BTBD10: variants seen among roughly 807,000 people sequenced by gnomAD.
The protein encoded by BTBD10 is BTB/POZ domain-containing protein 10.
Under a neutral mutation model 53.2 loss-of-function variants are expected in BTBD10, and 21 were observed. That is an observed-to-expected ratio of 0.39 (90% confidence interval 0.28 to 0.57). The LOEUF (loss-of-function observed/expected upper bound fraction) is 0.57. BTBD10 is among the 20% of genes least tolerant of loss of function. BTBD10 has a pLI of 0.53. For missense variants in BTBD10, 360 were observed against 594.7 expected, an observed-to-expected ratio of 0.61 and a Z score of 4.10; for synonymous variants, 149 against 192.7, an observed-to-expected ratio of 0.77 and a Z score of 1.88.
At chr11:13,396,247 T>A (rs1205079089) in intron 8 of BTBD10, among the ~76,000 whole-genome samples, 1 of 152,156 alleles carries the variant, frequency 6.6e-6, no homozygotes, top group Non-Finnish European at 1.5e-5. Context: ...CTTGAAGAGG[T>A]CCTTCACATC....
chr11:13,439,970 CAATG>C, intron 2 of BTBD10: 2 of 1,534,822 alleles, frequency 1.3e-6, no homozygotes, highest in Non-Finnish European at 1.7e-6. Flanking sequence ...CTCTTTCAAA[CAATG>C]AAGCACTGAA....
chr11:13,445,783 A>T (rs1250083631), intron 1 of BTBD10, among the ~76,000 whole-genome samples: 2 of 151,148 alleles, frequency 1.3e-5, no homozygotes, highest in Non-Finnish European at 2.9e-5. Context: ...GCCTTTTCAC[A>T]TGTGAGGCTT....
intron 5 of BTBD10, among the ~76,000 whole-genome samples, chr11:13,415,095 T>C (rs1565242709): frequency 6.7e-6 from 1 of 150,212 alleles, no homozygotes; most frequent in African/African-American, 2.4e-5. Flanking sequence ...GGTCACAAAC[T>C]ATCAATCAAA....
intron 8 of BTBD10, among the ~76,000 whole-genome samples, chr11:13,393,351 C>T (rs540116743): frequency 9.8e-4 from 150 of 152,292 alleles, no homozygotes; most frequent in Middle Eastern, 6.8e-3. Flanking sequence ...CCCAATCTAG[C>T]TCCCATAAAA....
chr11:13,391,162 G>A (rs577349408), intron 8 of BTBD10, among the ~76,000 whole-genome samples: 5 of 152,220 alleles, frequency 3.3e-5, no homozygotes, highest in African/African-American at 1.2e-4. Context: ...TATTATACAA[G>A]GCTTTTTTTA....
intron 8 of BTBD10, among the ~76,000 whole-genome samples, chr11:13,397,191 A>C (rs1009867864): frequency 1.3e-5 from 2 of 152,050 alleles, no homozygotes; most frequent in Non-Finnish European, 2.9e-5. Context: ...TTAGTTGGTA[A>C]GCTATTAATT....
At chr11:13,391,954 A>C (rs536166083) in intron 8 of BTBD10, among the ~76,000 whole-genome samples, 1 of 152,180 alleles carries the variant, frequency 6.6e-6, no homozygotes, top group African/African-American at 2.4e-5. Context: ...TAGATGGATA[A>C]ATAGATAGAC....
chr11:13,459,201 C>G (rs991159621), intron 1 of BTBD10, among the ~76,000 whole-genome samples: 2 of 150,324 alleles, frequency 1.3e-5, no homozygotes, highest in Admixed American at 6.6e-5. Context: ...GGACTACAGG[C>G]GCCCGCCACT....
At chr11:13,410,890 G>A (rs893689249) in intron 6 of BTBD10, among the ~76,000 whole-genome samples, 3 of 152,154 alleles carry the variant, frequency 2.0e-5, no homozygotes, top group Non-Finnish European at 2.9e-5. Context: ...GTGAATAAAT[G>A]GGAAGACACA....
intron 3 of BTBD10, among the ~76,000 whole-genome samples, chr11:13,420,317 A>AT (rs150881151): frequency 0.26 from 39,922 of 150,732 alleles, 5,493 homozygotes; most frequent in Admixed American, 0.35. Context: ...AGTAAGAAGT[A>AT]TTTTTTTTTA....
At chr11:13,424,654 G>A (rs1591135345) in intron 2 of BTBD10, among the ~76,000 whole-genome samples, 1 of 152,108 alleles carries the variant, frequency 6.6e-6, no homozygotes, top group Non-Finnish European at 1.5e-5. Context: ...GATAGGTAAG[G>A]ACATGAAGAC....
intron 2 of BTBD10, among the ~76,000 whole-genome samples, chr11:13,440,720 A>G (rs1046177867): frequency 1.6e-4 from 24 of 152,182 alleles, no homozygotes; most frequent in African/African-American, 5.8e-4. Flanking sequence ...ACCTTGCGGC[A>G]TAGTCTATAC....
chr11:13,421,549 G>A, intron 3 of BTBD10, 93 bp downstream of exon 3: 3 of 1,090,050 alleles, frequency 2.8e-6, no homozygotes, highest in Non-Finnish European at 3.9e-6. Flanking sequence ...ATTTTACTCT[G>A]CAGTATTAGG....
At chr11:13,407,851 C>G (rs1025672364) in intron 6 of BTBD10, among the ~76,000 whole-genome samples, 4 of 152,274 alleles carry the variant, frequency 2.6e-5, no homozygotes, top group Middle Eastern at 3.4e-3. Flanking sequence ...TTCTGGAATG[C>G]TTTTTCTTCA....
chr11:13,408,244 T>C (rs1949870306), intron 6 of BTBD10, among the ~76,000 whole-genome samples: 2 of 152,178 alleles, frequency 1.3e-5, no homozygotes, highest in Non-Finnish European at 2.9e-5. Flanking sequence ...CATCATTAAC[T>C]CTCACCCAAA....
chr11:13,419,937 C>T (rs530060407), intron 3 of BTBD10, among the ~76,000 whole-genome samples, 192 bp from the exon 4 acceptor site: 2 of 152,096 alleles, frequency 1.3e-5, no homozygotes, highest in South Asian at 4.1e-4. Context: ...CCCAAAACAT[C>T]AAAATGCTTT....
chr11:13,395,894 C>T (rs1381437791), intron 8 of BTBD10, among the ~76,000 whole-genome samples: 1 of 152,102 alleles, frequency 6.6e-6, no homozygotes, highest in Non-Finnish European at 1.5e-5. Flanking sequence ...TTCCATTGGT[C>T]TGTATCTCTG....
intron 8 of BTBD10, among the ~76,000 whole-genome samples, chr11:13,396,720 T>C (rs150077808): frequency 0.041 from 6,255 of 152,270 alleles, 443 homozygotes; most frequent in African/African-American, 0.14. Flanking sequence ...GTTCCATCAA[T>C]ATCTAATTTA....
At chr11:13,406,414 C>T (rs140854366) in intron 6 of BTBD10, among the ~76,000 whole-genome samples, 3 of 152,132 alleles carry the variant, frequency 2.0e-5, no homozygotes, top group East Asian at 1.9e-4. Context: ...GCCACAAACT[C>T]ACCTGCACTG....
Sources: gnomAD v4.1 joint callset for allele counts (sites outside exome capture counted in the v4.1 genomes callset) on GRCh38, gnomAD v4.1.1 for gene constraint, MANE v1.5 for transcripts, NCBI Gene and HGNC (gene_info 2026-07-23, HGNC 2026-07-21) for gene names.